PIGK: variants seen among roughly 807,000 people sequenced by gnomAD.
PIGK encodes GPI-anchor transamidase.
PIGK carries 42 observed loss-of-function variants against 50.6 expected under a neutral mutation model. That is an observed-to-expected ratio of 0.83 (90% confidence interval 0.65 to 1.07). The LOEUF is 1.07. PIGK is among the 50% of genes least tolerant of loss of function. PIGK has a pLI of 0.00. For synonymous variants in PIGK, 151 were observed against 156.0 expected (o/e 0.97, Z 0.24); for missense variants, 448 against 488.7 (o/e 0.92, Z 0.78).
intron 10 of PIGK, among the ~76,000 whole-genome samples, chr1:77,119,387 G>GAAGAGAA (rs1654046164): frequency 6.6e-6 from 1 of 152,090 alleles, no homozygotes; most frequent in African/African-American, 2.4e-5. Context: ...TCTCTTCACT[G>GAAGAGAA]CTGTGACAGA....
rs184533768 is a variant in PIGK at position 77,216,980 on chromosome 1, C to A, written c.93+2330G>T. Among the ~76,000 whole-genome samples the A allele has an allele frequency of 1.4e-3, 220 of 152,208 alleles. 2 individuals are homozygous for A. Among genetic ancestry groups the A allele is most frequent in the African/African-American group, 5.1e-3 (211 of 41,536 alleles). ...CAGTAAATGCAGCACCTATTATGTG[C>A]CAGATACCATTAATATATAGTGATA... On this transcript the variant is annotated intron_variant, in intron 1 of 10. Transcript: ENST00000370812.
chr1:77,109,409 C>G (rs567792649), intron 10 of PIGK, among the ~76,000 whole-genome samples: 1 of 152,270 alleles, frequency 6.6e-6, no homozygotes, highest in East Asian at 1.9e-4. Context: ...AGCTTATCCA[C>G]CATGATCAAG....
intron 3 of PIGK, among the ~76,000 whole-genome samples, chr1:77,204,811 T>C (rs904266421): frequency 3.9e-5 from 6 of 152,218 alleles, no homozygotes; most frequent in Non-Finnish European, 7.3e-5. Context: ...CTGTGTTTGC[T>C]TTGCACAACT....
At chr1:77,198,575 T>C (rs1656087830) in intron 3 of PIGK, among the ~76,000 whole-genome samples, 1 of 151,902 alleles carries the variant, frequency 6.6e-6, no homozygotes, top group Non-Finnish European at 1.5e-5. Flanking sequence ...GCTAGAACAA[T>C]ATATAAAAAT....
At chr1:77,116,297 C>A (rs551219517) in intron 10 of PIGK, among the ~76,000 whole-genome samples, 2 of 152,076 alleles carry the variant, frequency 1.3e-5, no homozygotes, top group African/African-American at 2.4e-5. Context: ...CATTCTCCTG[C>A]CTCAGCCTCC....
intron 1 of PIGK, among the ~76,000 whole-genome samples, chr1:77,218,094 T>C (rs77995955): frequency 0.13 from 20,097 of 152,176 alleles, 1,548 homozygotes; most frequent in East Asian, 0.36. Flanking sequence ...ATAGGGTGTG[T>C]ATTCAAAAAG....
intron 3 of PIGK, among the ~76,000 whole-genome samples, chr1:77,186,300 A>G (rs1210457822): frequency 6.6e-6 from 1 of 152,226 alleles, no homozygotes; most frequent in African/African-American, 2.4e-5. Flanking sequence ...CTGCAGCACT[A>G]CTGCCCGTCT....
rs557319561 is a variant in PIGK at position 77,188,506 on chromosome 1, C to T, written c.239+18134G>A. On this transcript the variant is annotated intron_variant, in intron 3 of 10. Coordinates refer to ENST00000370812, the MANE Select transcript of PIGK (RefSeq NM_005482.3). The stretch of plus-strand genomic sequence containing the variant: ...AGATGTTATCAATGACAATGGTGCC[C>T]GAAACTTCATTAGCAATTTTAATTT... Among the ~76,000 whole-genome samples, 81 of 152,200 alleles carry T rather than the reference C, an allele frequency of 5.3e-4. No individual in the cohort carries two copies. The Middle Eastern group carries it at 0.017, about 32-fold the overall frequency.
intron 10 of PIGK, among the ~76,000 whole-genome samples, chr1:77,111,447 GTCCTTTGTA>G (rs1653840301): frequency 4.6e-5 from 7 of 152,086 alleles, no homozygotes; most frequent in African/African-American, 1.7e-4. Context: ...ATGAATTCCT[GTCCTTTGTA>G]GGGACATGGA....
intron 3 of PIGK, among the ~76,000 whole-genome samples, chr1:77,193,674 C>A (rs1655965609): frequency 6.6e-6 from 1 of 152,104 alleles, no homozygotes; most frequent in African/African-American, 2.4e-5. Flanking sequence ...GCTTTGTTAA[C>A]CCTTTTCTAT....
intron 6 of PIGK, 69 bp from the exon 7 acceptor site, chr1:77,161,780 A>T: frequency 1.3e-6 from 1 of 745,086 alleles, no homozygotes; most frequent in South Asian, 1.5e-5. Flanking sequence ...TTTCTACAAT[A>T]CTTTTGTAAG....
chr1:77,147,880 T>A (rs370747669), intron 9 of PIGK, among the ~76,000 whole-genome samples: 1 of 152,202 alleles, frequency 6.6e-6, no homozygotes, highest in Admixed American at 6.5e-5. Context: ...ACTTAACATA[T>A]GTAAGTTTCA....
intron 10 of PIGK, among the ~76,000 whole-genome samples, chr1:77,113,730 T>G (rs968083040): frequency 1.3e-5 from 2 of 152,276 alleles, no homozygotes; most frequent in Non-Finnish European, 2.9e-5. Context: ...AAATGCCTAT[T>G]AAATTCTTAA....
At chr1:77,146,098 T>C (rs1302499700) in intron 9 of PIGK, among the ~76,000 whole-genome samples, 1 of 152,080 alleles carries the variant, frequency 6.6e-6, no homozygotes, top group Non-Finnish European at 1.5e-5. Context: ...CCATCTGTAA[T>C]TTTTTCAACA....
chr1:77,153,494 A>C (rs1162506801), intron 9 of PIGK: 1 of 152,210 alleles, frequency 6.6e-6, no homozygotes, highest in Non-Finnish European at 1.5e-5. Flanking sequence ...AAAAAATAGT[A>C]ATGTACCCAA....
intron 9 of PIGK, among the ~76,000 whole-genome samples, chr1:77,137,132 C>T (rs1248569196): frequency 1.3e-5 from 2 of 152,150 alleles, no homozygotes; most frequent in South Asian, 2.1e-4. Flanking sequence ...GGCCACAAAA[C>T]GTCTTGCATG....
chr1:77,111,308 A>G (rs1225941280), intron 10 of PIGK, among the ~76,000 whole-genome samples: 2 of 152,086 alleles, frequency 1.3e-5, no homozygotes, highest in Admixed American at 6.6e-5. Context: ...ACATGCACAC[A>G]TATGTTTATT....
intron 5 of PIGK, among the ~76,000 whole-genome samples, chr1:77,165,249 A>G (rs1188228919): frequency 6.6e-6 from 1 of 152,194 alleles, no homozygotes; most frequent in Non-Finnish European, 1.5e-5. Context: ...AGTTTAGTAC[A>G]TCAAATAAAG....
intron 9 of PIGK, among the ~76,000 whole-genome samples, chr1:77,127,658 A>G (rs1378538335): frequency 6.6e-6 from 1 of 152,188 alleles, no homozygotes; most frequent in Non-Finnish European, 1.5e-5. Context: ...CTAGAAACAA[A>G]CTAAAAATTA....
Sources: allele counts gnomAD v4.1 joint callset (sites outside exome capture counted in the v4.1 genomes callset), GRCh38; gene constraint gnomAD v4.1.1; transcripts MANE v1.5; gene names NCBI Gene and HGNC (gene_info 2026-07-23, HGNC 2026-07-21).